Variants in CDH12 observed in about 807,000 individuals in gnomAD.
CDH12 encodes the protein cadherin 12.
In CDH12, 41 loss-of-function variants were observed where a neutral mutation model predicts 74.1. The ratio of observed to expected loss-of-function variants is 0.55; its 90% CI spans 0.43 to 0.72. CDH12 has a LOEUF of 0.72. Among genes scored for constraint, CDH12 ranks in the 30% least tolerant of loss-of-function variants. The pLI, the probability that CDH12 is intolerant of heterozygous loss-of-function variation, is 0.00. For missense variants in CDH12, 945 were observed against 977.2 expected, an observed-to-expected ratio of 0.97 and a Z score of 0.44; for synonymous variants, 399 against 355.0, an observed-to-expected ratio of 1.12 and a Z score of -1.39.
chr5:22,085,302 G>T (rs1246146419), intron 4 of CDH12, among the ~76,000 whole-genome samples: 2 of 152,012 alleles, frequency 1.3e-5, no homozygotes, highest in African/African-American at 2.4e-5. Context: ...GGTTTCCCTA[G>T]TTATTTATTT....
rs534944607 is a variant in CDH12 at position 22,214,270 on chromosome 5, T to A, written c.-332-1627A>T. ...GGGGCTGTAGCCTCCCATGCAGAGG[T>A]CTCTTGCTCCCTCAGCTGGTGGAGG... On this transcript the variant is annotated intron_variant, in intron 3 of 14. Coordinates refer to ENST00000382254, the MANE Select transcript of CDH12 (RefSeq NM_004061.5). Among the ~76,000 whole-genome samples the A allele has an allele frequency of 1.6e-4, 25 of 151,976 alleles. No individual in the cohort carries two copies. The South Asian group carries it at 3.7e-3, about 23-fold the overall frequency.
intron 1 of CDH12, chr5:22,580,365 C>T (rs182861521): frequency 2.7e-4 from 126 of 469,128 alleles, no homozygotes; most frequent in African/African-American, 2.1e-3. Context: ...TCTGAAAATG[C>T]ACACCAAGTG....
intron 1 of CDH12, among the ~76,000 whole-genome samples, chr5:22,721,402 G>T (rs1009240920): frequency 2.0e-5 from 3 of 152,224 alleles, no homozygotes; most frequent in African/African-American, 7.2e-5. Flanking sequence ...CTTTGTTTTG[G>T]CCAATTTCTC....
intron 1 of CDH12, among the ~76,000 whole-genome samples, chr5:22,793,786 C>T (rs1748045300): frequency 6.6e-6 from 1 of 151,168 alleles, no homozygotes; most frequent in African/African-American, 2.4e-5. Context: ...TATGGAACCA[C>T]CATCAGAAAA....
At chr5:22,562,357 C>G (rs1315229371) in intron 1 of CDH12, among the ~76,000 whole-genome samples, 1 of 151,936 alleles carries the variant, frequency 6.6e-6, no homozygotes, top group Non-Finnish European at 1.5e-5. Flanking sequence ...AAAAAACATA[C>G]ATAGAGATTA....
chr5:21,968,909 A>G (rs1756707551), intron 6 of CDH12, among the ~76,000 whole-genome samples: 2 of 151,924 alleles, frequency 1.3e-5, no homozygotes, highest in Non-Finnish European at 2.9e-5. Flanking sequence ...GTTGTCTCTT[A>G]TAAGTGGGAG....
At chr5:22,086,454 C>G (rs1215545240) in intron 4 of CDH12, among the ~76,000 whole-genome samples, 1 of 152,108 alleles carries the variant, frequency 6.6e-6, no homozygotes, top group Non-Finnish European at 1.5e-5. Flanking sequence ...AAACAATTCT[C>G]TGCCTCAGCC....
intron 2 of CDH12, among the ~76,000 whole-genome samples, chr5:22,419,368 T>C (rs1412199810): frequency 6.6e-6 from 1 of 152,102 alleles, no homozygotes; most frequent in African/African-American, 2.4e-5. Context: ...TGTGTTCTCA[T>C]TGTTAAGCTC....
chr5:22,763,060 C>T (rs1746309435), intron 1 of CDH12, among the ~76,000 whole-genome samples: 1 of 151,862 alleles, frequency 6.6e-6, no homozygotes, highest in Non-Finnish European at 1.5e-5. Context: ...GCCTTGATGC[C>T]ATATGCCTAA....
At chr5:22,368,434 G>A (rs1415324928) in intron 3 of CDH12, among the ~76,000 whole-genome samples, 1 of 150,868 alleles carries the variant, frequency 6.6e-6, no homozygotes, top group Non-Finnish European at 1.5e-5. Flanking sequence ...AAGTTGCTGG[G>A]ACTACAAGGA....
chr5:22,763,919 G>A (rs994323575), intron 1 of CDH12, among the ~76,000 whole-genome samples: 1 of 151,880 alleles, frequency 6.6e-6, no homozygotes, highest in African/African-American at 2.4e-5. Flanking sequence ...GTTCCCCTAT[G>A]CAGTAATTGG....
intron 1 of CDH12, among the ~76,000 whole-genome samples, chr5:22,512,436 T>C (rs908935256): frequency 6.6e-6 from 1 of 151,978 alleles, no homozygotes; most frequent in Non-Finnish European, 1.5e-5. Context: ...CTGAGAGACA[T>C]GTCAAAAAAA....
chr5:22,003,460 C>G (rs1736728223), intron 5 of CDH12, among the ~76,000 whole-genome samples: 1 of 152,178 alleles, frequency 6.6e-6, no homozygotes, highest in South Asian at 2.1e-4. Flanking sequence ...TTCATTCAAT[C>G]ATAGATTCTA....
At chr5:22,432,724 C>T (rs1006313218) in intron 2 of CDH12, among the ~76,000 whole-genome samples, 5 of 152,146 alleles carry the variant, frequency 3.3e-5, no homozygotes, top group African/African-American at 9.6e-5. Flanking sequence ...CTAAAGCTCA[C>T]TTCATATTTC....
intron 3 of CDH12, among the ~76,000 whole-genome samples, chr5:22,369,000 G>A (rs181481507): frequency 7.1e-4 from 108 of 152,048 alleles, no homozygotes; most frequent in Middle Eastern, 6.8e-3. Context: ...GTATTGGTGC[G>A]CACCTGTAAT....
At chr5:21,939,831 A>G (rs1331151508) in intron 6 of CDH12, among the ~76,000 whole-genome samples, 1 of 152,164 alleles carries the variant, frequency 6.6e-6, no homozygotes, top group Non-Finnish European at 1.5e-5. Context: ...TACCTAATGT[A>G]TACACATTTT....
At chr5:22,350,259 T>C (rs963024962) in intron 3 of CDH12, among the ~76,000 whole-genome samples, 2 of 152,216 alleles carry the variant, frequency 1.3e-5, no homozygotes, top group African/African-American at 4.8e-5. Context: ...TATTATGCAG[T>C]GAAAATACTT....
At chr5:22,582,412 A>G (rs1013774106) in intron 1 of CDH12, among the ~76,000 whole-genome samples, 2 of 152,208 alleles carry the variant, frequency 1.3e-5, no homozygotes, top group African/African-American at 2.4e-5. Flanking sequence ...GGTCATTTCT[A>G]CTTTTTTCCT....
intron 3 of CDH12, among the ~76,000 whole-genome samples, chr5:22,402,010 C>A (rs1742749882): frequency 6.6e-6 from 1 of 152,232 alleles, no homozygotes; most frequent in Admixed American, 6.5e-5. Context: ...TTTTGGCCTT[C>A]TGGCCTTCAG....
Sources: allele counts gnomAD v4.1 joint callset (sites outside exome capture counted in the v4.1 genomes callset), GRCh38; gene constraint gnomAD v4.1.1; transcripts MANE v1.5; gene names NCBI Gene and HGNC (gene_info 2026-07-23, HGNC 2026-07-21).